PRR16: variants seen among roughly 807,000 people sequenced by gnomAD.
The protein encoded by PRR16 is protein Largen.
A neutral mutation model predicts 18.2 loss-of-function variants in PRR16; 6 were observed. The ratio of observed to expected loss-of-function variants is 0.33; its 90% CI spans 0.18 to 0.65. The LOEUF (loss-of-function observed/expected upper bound fraction) is 0.65. Ranked by LOEUF, PRR16 falls within the 30% of genes least tolerant of loss-of-function variation. The pLI, the probability that PRR16 is intolerant of heterozygous loss-of-function variation, is 0.74. For synonymous variants in PRR16, 151 were observed against 147.8 expected, an observed-to-expected ratio of 1.02 and a Z score of -0.16; for missense variants, 412 against 376.6, an observed-to-expected ratio of 1.09 and a Z score of -0.78.
At chr5:120,603,310 A>G (rs897501889) in intron 1 of PRR16, among the ~76,000 whole-genome samples, 3 of 152,064 alleles carry the variant, frequency 2.0e-5, no homozygotes, top group African/African-American at 7.2e-5. Flanking sequence ...GTTTATAGAA[A>G]TTTATCCATT....
Position 120,487,627 on chromosome 5 carries a change from A to G in PRR16, c.159+22982A>G, listed in dbSNP as rs1749857878. ...ATTTGACTTCCTCTTTTCCTAATTG[A>G]ATACCCTCTATTTCCTTCTCCTGCC... is the stretch of plus-strand genomic sequence containing the variant. On this transcript the variant is annotated intron_variant, in intron 1 of 1. Coordinates refer to ENST00000407149, the MANE Select transcript of PRR16 (RefSeq NM_001300783.2). 2.0e-5 allele frequency among the ~76,000 whole-genome samples: 3 copies of G among 152,216 alleles called. 1 individual carries two copies. In the South Asian group the frequency reaches 6.2e-4, roughly 32 times the overall value.
chr5:120,754,226 A>ATATAATT, the PRR16 span, among the ~76,000 whole-genome samples: 2 of 61,988 alleles, frequency 3.2e-5, no homozygotes, highest in East Asian at 1.6e-3. Context: ...TATAATATAT[A>ATATAATT]ATATAATATA....
rs534030690 is a variant in PRR16 at position 120,546,077 on chromosome 5, A to G, written c.159+81432A>G. On this transcript the variant is annotated intron_variant, in intron 1 of 1. Coordinates refer to ENST00000407149, the MANE Select transcript of PRR16 (RefSeq NM_001300783.2). Reference sequence around the variant, plus strand: ...AGACCATTGGCATAAGGGTATTTTTATCACTTTCATTTTACTAGTAAGGAA... The same window carrying G: ...AGACCATTGGCATAAGGGTATTTTTGTCACTTTCATTTTACTAGTAAGGAA... Among the ~76,000 whole-genome samples the G allele has an allele frequency of 6.6e-5, 10 of 152,110 alleles. No homozygotes were observed. In the East Asian group the frequency reaches 7.7e-4, roughly 12 times the overall value.
At chr5:120,669,924 T>A (rs1316417364) in intron 1 of PRR16, among the ~76,000 whole-genome samples, 2 of 152,050 alleles carry the variant, frequency 1.3e-5, no homozygotes, top group Non-Finnish European at 2.9e-5. Context: ...TTTATGAAGA[T>A]AAACAACGGC....
chr5:120,739,609 A>AGGG, the PRR16 span, among the ~76,000 whole-genome samples: 4 of 152,304 alleles, frequency 2.6e-5, no homozygotes, highest in South Asian at 8.3e-4. Flanking sequence ...TTTATTTTAC[A>AGGG]TTGTACATAG....
the PRR16 span, among the ~76,000 whole-genome samples, chr5:120,692,390 G>A: frequency 6.6e-6 from 1 of 152,130 alleles, no homozygotes; most frequent in Non-Finnish European, 1.5e-5. Flanking sequence ...TAAAGACTGT[G>A]TTGACTCTGG....
At chr5:120,740,850 T>C in the PRR16 span, among the ~76,000 whole-genome samples, 1 of 152,150 alleles carries the variant, frequency 6.6e-6, no homozygotes, top group African/African-American at 2.4e-5. Context: ...TATTTTTCTG[T>C]ACTTTAAAAT....
the PRR16 span, among the ~76,000 whole-genome samples, chr5:120,703,621 T>C: frequency 6.6e-6 from 1 of 152,276 alleles, no homozygotes; most frequent in Non-Finnish European, 1.5e-5. Flanking sequence ...TTATTGATTA[T>C]CTTTTCCTAT....
the PRR16 span, among the ~76,000 whole-genome samples, chr5:120,696,327 A>G: frequency 6.6e-6 from 1 of 152,116 alleles, no homozygotes; most frequent in African/African-American, 2.4e-5. Context: ...TATATAAAAA[A>G]ATTAGTAATT....
Position 120,507,430 on chromosome 5 carries a change from C to T in PRR16, c.159+42785C>T, listed in dbSNP as rs143844433. Among the ~76,000 whole-genome samples the T allele has an allele frequency of 3.0e-3, 462 of 152,130 alleles. 4 individuals are homozygous for T. Among genetic ancestry groups the T allele is most frequent in the Non-Finnish European group, 4.5e-3 (309 of 67,954 alleles). ...CAGCAGTGTTTCTCAGTGTGAAAAA[C>T]CTTACAGTTAGCAAAAGTGGCAAAT... is the stretch of plus-strand genomic sequence containing the variant. On this transcript the variant is annotated intron_variant, in intron 1 of 1. Coordinates refer to ENST00000407149, the MANE Select transcript of PRR16 (RefSeq NM_001300783.2).
chr5:120,526,601 A>G (rs1015483067), intron 1 of PRR16, among the ~76,000 whole-genome samples: 1 of 152,182 alleles, frequency 6.6e-6, no homozygotes. Context: ...TGCCACATGT[A>G]TCAACTCTGC....
At chr5:120,728,845 T>C in the PRR16 span, among the ~76,000 whole-genome samples, 1 of 152,196 alleles carries the variant, frequency 6.6e-6, no homozygotes, top group Non-Finnish European at 1.5e-5. Context: ...CCTGCATCTA[T>C]TATTTGAGAA....
At chr5:120,598,115 A>G (rs1306006843) in intron 1 of PRR16, among the ~76,000 whole-genome samples, 2 of 151,322 alleles carry the variant, frequency 1.3e-5, no homozygotes, top group Non-Finnish European at 3.0e-5. Context: ...TAGTTTATGT[A>G]TAGGTTACCT....
intron 1 of PRR16, among the ~76,000 whole-genome samples, chr5:120,631,254 C>T (rs1755043820): frequency 6.6e-6 from 1 of 152,072 alleles, no homozygotes; most frequent in African/African-American, 2.4e-5. Context: ...CTTGGGTGGA[C>T]AGAGCAGCTT....
intron 1 of PRR16, among the ~76,000 whole-genome samples, chr5:120,524,791 T>C (rs1035035855): frequency 6.6e-6 from 1 of 152,060 alleles, no homozygotes; most frequent in Non-Finnish European, 1.5e-5. Context: ...ATATCTTATA[T>C]ACCCTATAAA....
At chr5:120,542,909 C>T (rs910470699) in intron 1 of PRR16, among the ~76,000 whole-genome samples, 2 of 152,004 alleles carry the variant, frequency 1.3e-5, no homozygotes, top group Non-Finnish European at 2.9e-5. Flanking sequence ...CAGTCATTAA[C>T]GAGTGATTAT....
At chr5:120,609,745 G>A (rs1754275231) in intron 1 of PRR16, among the ~76,000 whole-genome samples, 2 of 152,120 alleles carry the variant, frequency 1.3e-5, no homozygotes, top group African/African-American at 4.8e-5. Context: ...AAATAAACAT[G>A]TCATTTTTAC....
At chr5:120,638,230 G>T (rs914090764) in intron 1 of PRR16, among the ~76,000 whole-genome samples, 108 of 152,198 alleles carry the variant, frequency 7.1e-4, no homozygotes, top group African/African-American at 2.6e-3. Context: ...TGCTCAAAAA[G>T]TTTTAGATTT....
At chr5:120,541,490 T>C (rs964063173) in intron 1 of PRR16, among the ~76,000 whole-genome samples, 12 of 152,188 alleles carry the variant, frequency 7.9e-5, no homozygotes, top group Non-Finnish European at 1.3e-4. Context: ...TTCCCAACTC[T>C]GTGTCATTTC....
Sources: allele counts gnomAD v4.1 joint callset (sites outside exome capture counted in the v4.1 genomes callset), GRCh38; gene constraint gnomAD v4.1.1; transcripts MANE v1.5; gene names NCBI Gene and HGNC (gene_info 2026-07-23, HGNC 2026-07-21).